The following PIAS2 variants were observed in gnomAD, a reference collection of about 807,000 sequenced individuals.
PIAS2 encodes E3 SUMO-protein ligase PIAS2.
In PIAS2, 19 loss-of-function variants were observed where a neutral mutation model predicts 69.7. That is an observed-to-expected ratio of 0.27 (90% CI 0.19 to 0.40). The LOEUF is 0.40. PIAS2 is among the 10% of genes least tolerant of loss of function. The pLI is 1.00. For missense variants in PIAS2, 624 were observed against 757.0 expected (o/e 0.82, Z 2.06); for synonymous variants, 261 against 263.2 (o/e 0.99, Z 0.08).
intron 10 of PIAS2, among the ~76,000 whole-genome samples, chr18:46,829,147 C>A (rs1297044239): frequency 6.6e-6 from 1 of 152,156 alleles, no homozygotes; most frequent in Admixed American, 6.5e-5. Context: ...AAAAGAAACT[C>A]TAAGTTCACC....
intron 8 of PIAS2, among the ~76,000 whole-genome samples, chr18:46,841,983 T>C (rs1896846223): frequency 6.6e-6 from 1 of 152,158 alleles, no homozygotes; most frequent in African/African-American, 2.4e-5. Context: ...AATCCCATTA[T>C]TTTGGGAGGC....
At chr18:46,917,548 G>T, upstream of PIAS2, 1 of 1,128,484 alleles carries the variant, frequency 8.9e-7, no homozygotes, top group South Asian at 4.3e-5. Context: ...CCGAAGCCCC[G>T]CCCCTAGCGG....
intron 8 of PIAS2, among the ~76,000 whole-genome samples, chr18:46,839,246 C>T (rs924328768): frequency 1.3e-5 from 2 of 150,280 alleles, no homozygotes; most frequent in Non-Finnish European, 3.0e-5. Context: ...TAAAATAAGA[C>T]CAATCTACAC....
chr18:46,856,181 T>C (rs531131720), intron 3 of PIAS2, among the ~76,000 whole-genome samples: 8 of 151,972 alleles, frequency 5.3e-5, no homozygotes, highest in African/African-American at 1.7e-4. Context: ...AATTTTATTT[T>C]TATCAGAGAT....
At position 46,896,258 on chromosome 18, in the gene PIAS2, TG is replaced by T. The variant is rs1457643255; in HGVS notation, c.25-5205del. Among the ~76,000 whole-genome samples the T allele has an allele frequency of 1.1e-4, 14 of 132,118 alleles. No individual in the cohort carries two copies. In the South Asian group the frequency reaches 3.4e-3, roughly 33 times the overall value. 86.7% of individuals were successfully genotyped at this position (132,118 alleles called of 152,430 possible). A position where few individuals can be genotyped will look rare whatever the true frequency, so the allele number is the denominator to read the frequency against. Reference sequence around the variant, plus strand: ...GTAAACAAACGTATGGTCTTATAAATGAAAAAAAAAAAACTAAACAAATTTC... The same window carrying T: ...GTAAACAAACGTATGGTCTTATAAATAAAAAAAAAAAACTAAACAAATTTC... On this transcript the variant is annotated intron_variant, in intron 1 of 13. Transcript: ENST00000585916.
chr18:46,877,871 C>T (rs1028157716), intron 2 of PIAS2, among the ~76,000 whole-genome samples: 6 of 152,132 alleles, frequency 3.9e-5, no homozygotes, highest in Non-Finnish European at 5.9e-5. Context: ...TTGTTTCTAA[C>T]AAGCATAATA....
At chr18:46,854,204 T>C in intron 5 of PIAS2, among the ~76,000 whole-genome samples, 1 of 152,336 alleles carries the variant, frequency 6.6e-6, no homozygotes, top group East Asian at 1.9e-4. Context: ...TTCTTAGCAC[T>C]TGGCTCTGGA....
chr18:46,893,477 A>AT, intron 1 of PIAS2: 1 of 983,496 alleles, frequency 1.0e-6, no homozygotes. Flanking sequence ...CATATCTCAT[A>AT]TTTCCAGTGA....
At chr18:46,834,349 A>T (rs2044121162) in intron 9 of PIAS2, among the ~76,000 whole-genome samples, 1 of 152,222 alleles carries the variant, frequency 6.6e-6, no homozygotes, top group South Asian at 2.1e-4. Flanking sequence ...GAAACTGGGA[A>T]AATACATTTG....
At chr18:46,866,227 T>A (rs1048639096) in intron 2 of PIAS2, among the ~76,000 whole-genome samples, 13 of 152,198 alleles carry the variant, frequency 8.5e-5, no homozygotes, top group African/African-American at 3.1e-4. Context: ...TCAAACTCCA[T>A]GTAAAATAAT....
chr18:46,908,655 A>G (rs569860500), intron 1 of PIAS2, among the ~76,000 whole-genome samples: 10 of 152,224 alleles, frequency 6.6e-5, no homozygotes, highest in Admixed American at 6.5e-4. Context: ...CAAAAGCACT[A>G]TCCATAAAGA....
chr18:46,852,582 G>C (rs1287396763), intron 5 of PIAS2: 1 of 152,148 alleles, frequency 6.6e-6, no homozygotes, highest in African/African-American at 2.4e-5. Flanking sequence ...ACAGAAATCA[G>C]CAGTAACTAA....
At chr18:46,882,712 T>C (rs897352632) in intron 2 of PIAS2, among the ~76,000 whole-genome samples, 2 of 152,196 alleles carry the variant, frequency 1.3e-5, no homozygotes, top group African/African-American at 4.8e-5. Context: ...TAAGTTACGG[T>C]ACATCTATAA....
At chr18:46,885,491 A>C (rs936232484) in intron 2 of PIAS2, among the ~76,000 whole-genome samples, 1 of 151,788 alleles carries the variant, frequency 6.6e-6, no homozygotes, top group African/African-American at 2.4e-5. Context: ...ACTGCACTCC[A>C]GCCCTGGTGA....
intron 1 of PIAS2, among the ~76,000 whole-genome samples, chr18:46,894,542 G>A (rs748766334): frequency 1.3e-5 from 2 of 152,086 alleles, no homozygotes; most frequent in Non-Finnish European, 2.9e-5. Flanking sequence ...TCCTACAGAC[G>A]AATTTCCCTA....
intron 2 of PIAS2, among the ~76,000 whole-genome samples, chr18:46,870,157 T>A (rs973147386): frequency 1.3e-5 from 2 of 152,018 alleles, no homozygotes; most frequent in African/African-American, 4.8e-5. Flanking sequence ...AAGGCTCTAG[T>A]GTGAGACAGA....
chr18:46,854,590 CTT>C (rs1303567500), intron 5 of PIAS2, among the ~76,000 whole-genome samples: 1 of 152,174 alleles, frequency 6.6e-6, no homozygotes, highest in East Asian at 1.9e-4. Context: ...TTTATTAAGA[CTT>C]GACTATCAGG....
intron 11 of PIAS2, among the ~76,000 whole-genome samples, chr18:46,823,555 C>T (rs1178569044): frequency 2.0e-5 from 3 of 152,282 alleles, no homozygotes; most frequent in Admixed American, 2.0e-4. Flanking sequence ...CGTGTCCTGT[C>T]ACTTAGTAAC....
In PIAS2 at chr18:46,807,565, T is replaced by G. The variant is rs565165911; in HGVS notation, c.*4868A>C. On this transcript the variant is annotated 3_prime_UTR_variant, in exon 14 of 14. Transcript: ENST00000585916. ...TGCCATCACACCCACCTAATTTATGTTTTTGCTAGAGATGGGGTTTCACCA... is the reference window on the plus strand; with the variant it reads ...TGCCATCACACCCACCTAATTTATGGTTTTGCTAGAGATGGGGTTTCACCA... 7.3e-5 allele frequency: 11 copies of G among 150,914 alleles called. No individual in the cohort carries two copies. The South Asian group carries it at 2.3e-3, about 32-fold the overall frequency. The allele number at this position is 150,914 out of a possible 1,614,324, so 9.3% of individuals were successfully genotyped here.
Sources: allele counts gnomAD v4.1 joint callset (sites outside exome capture counted in the v4.1 genomes callset), GRCh38; gene constraint gnomAD v4.1.1; transcripts MANE v1.5; gene names NCBI Gene and HGNC (gene_info 2026-07-23, HGNC 2026-07-21).